Variants in MYO1A observed in about 807,000 individuals in gnomAD.
MYO1A encodes the protein myosin IA, also known as unconventional myosin-Ia.
In MYO1A, 127 loss-of-function variants were observed where a neutral mutation model predicts 138.5. The observed-to-expected ratio is 0.92, with a 90% CI of 0.79 to 1.06. The LOEUF (loss-of-function observed/expected upper bound fraction) is 1.06, where lower values mean the gene tolerates loss of function less well. Ranked by LOEUF, MYO1A falls within the 50% of genes least tolerant of loss-of-function variation. The pLI, the probability that MYO1A is intolerant of heterozygous loss-of-function variation, is 0.00. For missense variants in MYO1A, 1,211 were observed against 1,288.8 expected, an observed-to-expected ratio of 0.94 and a Z score of 0.92; for synonymous variants, 477 against 497.5, an observed-to-expected ratio of 0.96 and a Z score of 0.55.
At chr12:57,029,965 C>T in intron 24 of MYO1A, 93 bp from the exon 25 acceptor site, 2 of 1,578,976 alleles carry the variant, frequency 1.3e-6, no homozygotes, top group Admixed American at 1.7e-5. Flanking sequence ...GGGCCCTTCC[C>T]CCACATCCAC....
At position 57,041,450 on chromosome 12, in the gene MYO1A, G is replaced by A. The variant is rs143507529; in HGVS notation, c.1146C>T (p.Tyr382=). The part of the protein sequence containing the change: ...KKKVMGVLDI[Y]GFEILEDNSF... Reference sequence around the variant, plus strand: ...CTCTCACCTCTAATATCTCAAAACCGTAGATATCAAGGACTCCCATTACCT... The same window carrying A: ...CTCTCACCTCTAATATCTCAAAACCATAGATATCAAGGACTCCCATTACCT... Residue 382 remains tyrosine, a synonymous_variant, in exon 13 of 28, where the codon TAC becomes TAT. Coordinates refer to ENST00000300119, the MANE Select transcript of MYO1A (RefSeq NM_005379.4). The A allele has an allele frequency of 1.1e-4, 185 of 1,613,484 alleles. No homozygotes were observed. In the African/African-American group the frequency reaches 1.8e-3, roughly 16 times the overall value.
In MYO1A at chr12:57,037,014, C is replaced by T. The variant is rs774873666; in HGVS notation, c.2133G>A (p.Trp711Ter). The T allele has an allele frequency of 6.2e-7, 1 of 1,614,140 alleles. No homozygotes were observed. Among genetic ancestry groups the T allele is most frequent in the Non-Finnish European group, 8.5e-7 (1 of 1,180,018 alleles). Residue 711 changes from tryptophan (W) to a stop codon, truncating the protein, a stop_gained, in exon 20 of 28, where the codon TGG (tryptophan) becomes TGA (stop). Coordinates refer to ENST00000300119, the MANE Select transcript of MYO1A (RefSeq NM_005379.4). LOFTEE classifies it high-confidence loss of function. ...ATLIQKIYRGWRCRTHYQLMR... is the reference protein window; with the variant it reads ...ATLIQKIYRG ...TCAGTTGGTAGTGGGTGCGGCAGCG[C>T]CAGCCTCGGTAAATCTTCTGTATGA...
chr12:57,041,567 G>A (rs1009345625), intron 12 of MYO1A, 70 bp from the exon 13 acceptor site: 47 of 1,348,280 alleles, frequency 3.5e-5, no homozygotes, highest in South Asian at 4.7e-5. Context: ...CTTCTGGAGC[G>A]GATGGGGTTG....
At chr12:57,040,908 G>A (rs969091084) in intron 14 of MYO1A, among the ~76,000 whole-genome samples, 2 of 152,186 alleles carry the variant, frequency 1.3e-5, no homozygotes, top group African/African-American at 4.8e-5. Context: ...TTTATATTTG[G>A]CTCACAGTCT....
Position 57,031,122 on chromosome 12 carries a change from A to C in MYO1A, c.2402T>G (p.Leu801Ter). The C allele has an allele frequency of 6.2e-7, 1 of 1,614,116 alleles. No individual in the cohort carries two copies. Among genetic ancestry groups the C allele is most frequent in the Non-Finnish European group, 8.5e-7 (1 of 1,180,022 alleles). Residue 801 changes from leucine to a stop codon, truncating the protein, a stop_gained, in exon 23 of 28, where the codon TTA (leucine) becomes TGA (stop). Coordinates refer to ENST00000300119, the MANE Select transcript of MYO1A (RefSeq NM_005379.4). LOFTEE classifies it high-confidence loss of function. ...GGGGGCGGCTGGCCATGTCTTGTCTAAGACGTTTGTGGATGGCAAATTGTT... is the reference window on the plus strand; with the variant it reads ...GGGGGCGGCTGGCCATGTCTTGTCTCAGACGTTTGTGGATGGCAAATTGTT... ...LKNNLPSTNVLDKTWPAAPYK... is the reference protein window; with the variant it reads ...LKNNLPSTNV
intron 14 of MYO1A, among the ~76,000 whole-genome samples, chr12:57,040,641 C>T (rs543962807): frequency 4.6e-5 from 7 of 152,278 alleles, no homozygotes; most frequent in Admixed American, 4.6e-4. Flanking sequence ...AAGGGAACAT[C>T]CCTGGGAGGG....
chr12:57,046,709 A>G, intron 7 of MYO1A, 59 bp from the exon 8 acceptor site: 1 of 1,520,466 alleles, frequency 6.6e-7, no homozygotes, highest in Non-Finnish European at 9.1e-7. Flanking sequence ...TAGCTTCTCC[A>G]GCCCTACTGG....
rs1257234721 is a variant in MYO1A at position 57,046,589 on chromosome 12, G to A, written c.603C>T (p.Phe201=). The change falls in exon 8 of 28, where the codon TTC becomes TTT. Residue 201 remains phenylalanine (F), a synonymous_variant. Transcript: ENST00000300119. ...CATCTGCTCCAGCCAGCAGCTGATA[G>A]AAGATGTGGAAGTTCCTTTCTCCTT... The part of the protein sequence containing the change: ...QLKGERNFHI[F]YQLLAGADEQ... The A allele has an allele frequency of 6.2e-7, 1 of 1,614,134 alleles. No homozygotes were observed. Among genetic ancestry groups the A allele is most frequent in the South Asian group, 1.1e-5 (1 of 91,080 alleles).
rs779609009 is a variant in MYO1A, at chr12:57,043,212, GC to G, written c.1011+27del. ...GGCATCACAGAACAGGGTCGAAACAGCCCCCTCCACTCCAGTGAGCTCCTTA... is the reference window on the plus strand; with the variant it reads ...GGCATCACAGAACAGGGTCGAAACAGCCCCTCCACTCCAGTGAGCTCCTTA... On this transcript the variant is annotated intron_variant, in intron 11 of 27. Transcript: ENST00000300119. 2.5e-6 allele frequency: 4 copies of G among 1,613,374 alleles called. No individual in the cohort carries two copies. In the Admixed American group the frequency reaches 6.7e-5, roughly 27 times the overall value.
At chr12:57,035,928 G>A (rs2030517329) in intron 22 of MYO1A, among the ~76,000 whole-genome samples, 1 of 152,248 alleles carries the variant, frequency 6.6e-6, no homozygotes. Flanking sequence ...GATCTTGGGA[G>A]GTTGAGCTAG....
intron 13 of MYO1A, 26 bp downstream of exon 13, chr12:57,041,406 A>G (rs2030853055): frequency 6.2e-6 from 10 of 1,606,110 alleles, no homozygotes; most frequent in Non-Finnish European, 8.5e-6. Flanking sequence ...CTAGGGGAGC[A>G]GGGTGCTGAG....
At position 57,043,367 on chromosome 12, in the gene MYO1A, A is replaced by G. The variant is rs1363290211; in HGVS notation, c.893-9T>C. The G allele has an allele frequency of 1.2e-6, 2 of 1,611,684 alleles. No homozygotes were observed. Among genetic ancestry groups the G allele is most frequent in the Non-Finnish European group, 1.7e-6 (2 of 1,177,926 alleles). ...CCCAATCTCCCGAACACCTGGGATAATGAGAAAGTACAGCATGTCCTTAGA... is the reference window on the plus strand; with the variant it reads ...CCCAATCTCCCGAACACCTGGGATAGTGAGAAAGTACAGCATGTCCTTAGA... On this transcript the variant is annotated splice_polypyrimidine_tract_variant and intron_variant, in intron 10 of 27. Coordinates refer to ENST00000300119, the MANE Select transcript of MYO1A (RefSeq NM_005379.4).
Position 57,036,295 on chromosome 12 carries a change from C to T in MYO1A, c.2349+12G>A. 6.2e-7 allele frequency: 1 copy of T among 1,613,192 alleles called. No homozygotes were observed. The highest frequency in any genetic ancestry group is 8.5e-7 in the Non-Finnish European group (1 of 1,179,376). ...TCCATCCCTAACATCCACCCTAACC[C>T]CTACCACTTACCATGCTCTTGTAGA... On this transcript the variant is annotated intron_variant, in intron 22 of 27. Coordinates refer to ENST00000300119, the MANE Select transcript of MYO1A (RefSeq NM_005379.4).
At position 57,048,100 on chromosome 12, in the gene MYO1A, T is replaced by C. The variant is rs761956314; in HGVS notation, c.119A>G (p.Tyr40Cys). ...LRYENKEIYT[Y>C]IGNVVISVNP... is the part of the protein sequence containing the mutation. ...CACTGAGATCACCACATTCCCAATG[T>C]AGGTCTGGAGCCAGGAAGAAGGTGA... Residue 40 changes from tyrosine to cysteine, a missense_variant, in exon 3 of 28, where the codon TAC (tyrosine) becomes TGC (cysteine). Physicochemically the swap from Tyr to Cys is radical, Grantham distance 194. Coordinates refer to ENST00000300119, the MANE Select transcript of MYO1A (RefSeq NM_005379.4). The C allele has an allele frequency of 1.9e-6, 3 of 1,613,650 alleles. No individual in the cohort carries two copies. The highest frequency in any genetic ancestry group is 2.2e-5 in the South Asian group (2 of 91,078).
Position 57,028,562 on chromosome 12 carries a change from C to T in MYO1A, c.*193G>A. ...GTTTTATTAGTGTGCAGAGAGGCTG[C>T]GGGTTGGAGGAAGCTACTTTTGGAG... On this transcript the variant is annotated 3_prime_UTR_variant, in exon 28 of 28. Coordinates refer to ENST00000300119, the MANE Select transcript of MYO1A (RefSeq NM_005379.4). 7 of 663,152 alleles carry T rather than the reference C, an allele frequency of 1.1e-5. No homozygotes were observed. The highest frequency in any genetic ancestry group is 2.0e-5 in the South Asian group (1 of 49,596). 41.1% of individuals were successfully genotyped at this position (663,152 alleles called of 1,614,324 possible).
At chr12:57,029,364 C>T in intron 26 of MYO1A, 71 bp downstream of exon 26, 2 of 1,613,548 alleles carry the variant, frequency 1.2e-6, no homozygotes, top group Admixed American at 3.3e-5. Flanking sequence ...CCCATCACCT[C>T]CAGCCTGCCC....
rs772933887 is a variant in MYO1A, at chr12:57,047,041, G to A, written c.477+20C>T. The stretch of plus-strand genomic sequence containing the variant: ...AAGCCCCCACATCCTCTCTTCCCAG[G>A]TGGGGAGACATTTACTCACAAATCG... On this transcript the variant is annotated intron_variant, in intron 6 of 27. Coordinates refer to ENST00000300119, the MANE Select transcript of MYO1A (RefSeq NM_005379.4). 6.2e-7 allele frequency: 1 copy of A among 1,613,898 alleles called. No individual in the cohort carries two copies. The highest frequency in any genetic ancestry group is 8.5e-7 in the Non-Finnish European group (1 of 1,179,822).
intron 22 of MYO1A, 93 bp downstream of exon 22, chr12:57,036,214 G>A (rs772771470): frequency 2.1e-5 from 26 of 1,264,626 alleles, no homozygotes; most frequent in Non-Finnish European, 3.0e-5. Context: ...AACTCTTGGG[G>A]GAAAGCTTTG....
rs368168684 is a variant in MYO1A at position 57,028,919 on chromosome 12, C to G, written c.3006-38G>C. On this transcript the variant is annotated intron_variant, in intron 27 of 27. Transcript: ENST00000300119. ...CAGAAAACCAAGTCTAGTGCCCATC[C>G]CCTCACCCCGACTCCCGCATTTCCA... The G allele has an allele frequency of 1.1e-5, 17 of 1,610,142 alleles. No homozygotes were observed. In the African/African-American group the frequency reaches 2.1e-4, roughly 20 times the overall value.
Sources: gnomAD v4.1 joint callset for allele counts (sites outside exome capture counted in the v4.1 genomes callset) on GRCh38, gnomAD v4.1.1 for gene constraint, MANE v1.5 for transcripts, NCBI Gene and HGNC (gene_info 2026-07-23, HGNC 2026-07-21) for gene names.